CNTLN: variants seen among roughly 807,000 people sequenced by gnomAD.
CNTLN encodes the protein centlein, centrosomal protein.
A neutral mutation model predicts 180.0 loss-of-function variants in CNTLN; 212 were observed. The ratio of observed to expected loss-of-function variants is 1.18; its 90% CI spans 1.05 to 1.32. CNTLN has a LOEUF of 1.32. Ranked by LOEUF, CNTLN falls within the 40% of genes most tolerant of loss-of-function variation. CNTLN has a pLI of 0.00. For synonymous variants in CNTLN, 722 were observed against 563.1 expected (o/e 1.28, Z -3.99); for missense variants, 2,095 against 1,610.9 (o/e 1.30, Z -5.14).
intron 18 of CNTLN, among the ~76,000 whole-genome samples, chr9:17,441,603 A>AT (rs1381173387): frequency 6.6e-6 from 1 of 152,080 alleles, no homozygotes; most frequent in African/African-American, 2.4e-5. Flanking sequence ...CAAAAAAAAA[A>AT]AAAAATCAAT....
At chr9:17,307,058 T>C (rs556530111) in intron 7 of CNTLN, among the ~76,000 whole-genome samples, 11 of 152,154 alleles carry the variant, frequency 7.2e-5, no homozygotes, top group Non-Finnish European at 1.3e-4. Context: ...TCCTACTCTT[T>C]CTTGCCTCCT....
At chr9:17,355,528 T>A (rs770021392) in intron 12 of CNTLN, among the ~76,000 whole-genome samples, 10 of 152,210 alleles carry the variant, frequency 6.6e-5, no homozygotes, top group Non-Finnish European at 1.5e-4. Flanking sequence ...GTCAGAGATT[T>A]ATCCTCATGT....
At position 17,244,810 on chromosome 9, in the gene CNTLN, G is replaced by A. The variant is rs1443053849; in HGVS notation, c.849+8222G>A. On this transcript the variant is annotated intron_variant, in intron 5 of 25. Coordinates refer to ENST00000380647, the MANE Select transcript of CNTLN (RefSeq NM_017738.4). ...TTATTTATTTTTGTATCCATTGTAT[G>A]TGTCTTTATTTGAGGTTACCATGAG... Among the ~76,000 whole-genome samples the A allele has an allele frequency of 2.0e-5, 3 of 151,888 alleles. 1 individual carries two copies. The highest frequency in any genetic ancestry group is 4.8e-5 in the African/African-American group (2 of 41,340).
At chr9:17,380,189 G>A (rs1017772768) in intron 13 of CNTLN, among the ~76,000 whole-genome samples, 3 of 152,198 alleles carry the variant, frequency 2.0e-5, no homozygotes, top group Non-Finnish European at 2.9e-5. Context: ...CTCATTGCCA[G>A]TGGATCCTCA....
At chr9:17,322,439 C>G (rs187431120) in intron 8 of CNTLN, among the ~76,000 whole-genome samples, 120 of 152,186 alleles carry the variant, frequency 7.9e-4, no homozygotes, top group African/African-American at 2.7e-3. Context: ...AAAAAGAAGG[C>G]TGCCAATAGA....
intron 12 of CNTLN, among the ~76,000 whole-genome samples, chr9:17,361,431 A>T (rs1564028906): frequency 6.6e-6 from 1 of 152,194 alleles, no homozygotes; most frequent in Non-Finnish European, 1.5e-5. Context: ...CGCAACTCAA[A>T]TGTATCCCAA....
chr9:17,340,977 C>T (rs894164009), intron 11 of CNTLN, 29 bp downstream of exon 11: 4 of 1,580,592 alleles, frequency 2.5e-6, no homozygotes, highest in Non-Finnish European at 1.7e-6. Context: ...AAAGGCATTT[C>T]CCTAAATATT....
chr9:17,394,695 A>G lies in CNTLN; in HGVS notation c.2241A>G (p.Ile747Met). The change falls in exon 15 of 26, where the codon ATA becomes ATG. Residue 747 changes from isoleucine (I) to methionine (M), a missense_variant. Transcript: ENST00000380647. ...ETREKELEQI[I>M]KGSKDVEKEN... ...GAGAAAAAGAGCTAGAACAGATAAT[A>G]AAGGGGAGTAAAGATGTAGAAAAAG... The G allele has an allele frequency of 1.2e-6, 2 of 1,613,966 alleles. No homozygotes were observed. Among genetic ancestry groups the G allele is most frequent in the Non-Finnish European group, 1.7e-6 (2 of 1,179,926 alleles).
rs139244669 is a variant in CNTLN, at chr9:17,145,428, T to G, written c.449+2052T>G. On this transcript the variant is annotated intron_variant, in intron 2 of 25. Transcript: ENST00000380647. ...ATATGCTGAATATTCAACCTATGTC[T>G]GTTAAAAAGAATATTCTAAATATCA... 1.5e-3 allele frequency among the ~76,000 whole-genome samples: 231 copies of G among 152,324 alleles called. 1 individual carries two copies. The highest frequency in any genetic ancestry group is 5.1e-3 in the African/African-American group (213 of 41,580).
At chr9:17,416,258 A>G in intron 18 of CNTLN, 69 bp downstream of exon 18, 15 of 1,302,958 alleles carry the variant, frequency 1.2e-5, no homozygotes, top group Non-Finnish European at 1.6e-5. Context: ...TTTTACATGT[A>G]TTATTTAGTT....
intron 2 of CNTLN, among the ~76,000 whole-genome samples, chr9:17,177,696 G>C (rs888330691): frequency 6.6e-6 from 1 of 152,124 alleles, no homozygotes; most frequent in Non-Finnish European, 1.5e-5. Context: ...GTTCCTCCCA[G>C]TGGGTTTGTG....
chr9:17,196,519 A>T (rs977790316), intron 2 of CNTLN, among the ~76,000 whole-genome samples: 6 of 152,114 alleles, frequency 3.9e-5, no homozygotes, highest in Admixed American at 1.3e-4. Context: ...TTGAGTGGTC[A>T]GAACTTTATT....
intron 2 of CNTLN, among the ~76,000 whole-genome samples, chr9:17,182,350 A>T (rs1821176342): frequency 6.6e-6 from 1 of 152,086 alleles, no homozygotes; most frequent in South Asian, 2.1e-4. Context: ...TCTGCTGTGC[A>T]TGAGGCAAAA....
chr9:17,273,121 T>C (rs1434668087), intron 5 of CNTLN, among the ~76,000 whole-genome samples: 1 of 151,960 alleles, frequency 6.6e-6, no homozygotes, highest in Non-Finnish European at 1.5e-5. Flanking sequence ...GCAAAAGTAA[T>C]TAAAATTAAT....
chr9:17,344,513 C>A (rs1056043053), intron 12 of CNTLN, among the ~76,000 whole-genome samples: 1 of 152,080 alleles, frequency 6.6e-6, no homozygotes, highest in East Asian at 1.9e-4. Context: ...TGTTTGAGCG[C>A]TGTGTGATAG....
intron 11 of CNTLN, among the ~76,000 whole-genome samples, chr9:17,341,978 T>C (rs1473258465): frequency 6.6e-6 from 1 of 152,156 alleles, no homozygotes; most frequent in African/African-American, 2.4e-5. Context: ...TAGCAGCAAA[T>C]TCCAGATGAG....
chr9:17,371,547 A>G (rs946463118), intron 13 of CNTLN, among the ~76,000 whole-genome samples: 1 of 152,164 alleles, frequency 6.6e-6, no homozygotes, highest in African/African-American at 2.4e-5. Context: ...CACTTTCAGC[A>G]TTGGACAGAT....
At chr9:17,183,073 T>A (rs1407232943) in intron 2 of CNTLN, among the ~76,000 whole-genome samples, 2 of 152,232 alleles carry the variant, frequency 1.3e-5, no homozygotes, top group Non-Finnish European at 2.9e-5. Flanking sequence ...ATGATTCTAG[T>A]AGTTAAGTGT....
intron 10 of CNTLN, among the ~76,000 whole-genome samples, chr9:17,338,827 A>G (rs79398562): frequency 1.3e-4 from 20 of 152,180 alleles, no homozygotes; most frequent in Non-Finnish European, 2.6e-4. Flanking sequence ...ACTGAATTTA[A>G]GTAACTAGAT....
Sources: gnomAD v4.1 joint callset for allele counts (sites outside exome capture counted in the v4.1 genomes callset) on GRCh38, gnomAD v4.1.1 for gene constraint, MANE v1.5 for transcripts, NCBI Gene and HGNC (gene_info 2026-07-23, HGNC 2026-07-21) for gene names.